Variants in KIAA1328 observed in about 807,000 individuals in gnomAD.
KIAA1328 encodes the protein KIAA1328, also known as protein hinderin.
Under a neutral mutation model 68.1 loss-of-function variants are expected in KIAA1328, and 52 were observed. The observed-to-expected ratio is 0.76, with a 90% CI of 0.61 to 0.96. The LOEUF (loss-of-function observed/expected upper bound fraction) is 0.96, where lower values mean the gene tolerates loss of function less well. KIAA1328 is among the 40% of genes least tolerant of loss of function. The pLI, the probability that KIAA1328 is intolerant of heterozygous loss-of-function variation, is 0.00. For synonymous variants in KIAA1328, 232 were observed against 239.4 expected (o/e 0.97, Z 0.28); for missense variants, 641 against 677.6 (o/e 0.95, Z 0.60).
At chr18:36,928,150 T>C (rs1029193821) in intron 5 of KIAA1328, among the ~76,000 whole-genome samples, 1 of 152,182 alleles carries the variant, frequency 6.6e-6, no homozygotes, top group African/African-American at 2.4e-5. Flanking sequence ...GCTTTCTGTT[T>C]TAAGAGCATA....
intron 6 of KIAA1328, among the ~76,000 whole-genome samples, chr18:36,970,838 A>T (rs1410745009): frequency 6.6e-6 from 1 of 152,226 alleles, no homozygotes; most frequent in African/African-American, 2.4e-5. Context: ...ATACTCATGG[A>T]TGGGAAGAAT....
intron 7 of KIAA1328, among the ~76,000 whole-genome samples, chr18:37,128,788 A>G (rs1307107646): frequency 6.6e-6 from 1 of 152,208 alleles, no homozygotes; most frequent in Non-Finnish European, 1.5e-5. Flanking sequence ...AGACTAATAG[A>G]CTGGTTCATC....
chr18:37,051,084 A>T (rs1193218613), intron 6 of KIAA1328, among the ~76,000 whole-genome samples: 1 of 152,202 alleles, frequency 6.6e-6, no homozygotes, highest in Non-Finnish European at 1.5e-5. Flanking sequence ...TTGACCCTAC[A>T]TTGAGTATTC....
At chr18:37,103,328 A>T (rs985873387) in intron 7 of KIAA1328, among the ~76,000 whole-genome samples, 1 of 152,212 alleles carries the variant, frequency 6.6e-6, no homozygotes, top group Non-Finnish European at 1.5e-5. Context: ...GTGGAATAGA[A>T]TGGAGAACCC....
At chr18:36,847,943 A>G (rs886197284) in intron 4 of KIAA1328, among the ~76,000 whole-genome samples, 2 of 151,710 alleles carry the variant, frequency 1.3e-5, no homozygotes, top group Non-Finnish European at 3.0e-5. Context: ...TCGCTGATGT[A>G]TATGTCTATC....
chr18:37,062,446 T>TTTTTG (rs2056185214), intron 6 of KIAA1328, among the ~76,000 whole-genome samples: 1 of 145,502 alleles, frequency 6.9e-6, no homozygotes. Context: ...TTTTGTTTTG[T>TTTTTG]TTTTTGTTTT....
chr18:37,095,386 T>A (rs1296312158), intron 7 of KIAA1328, among the ~76,000 whole-genome samples: 1 of 152,182 alleles, frequency 6.6e-6, no homozygotes, highest in African/African-American at 2.4e-5. Context: ...ATATTTTATC[T>A]CACCACAATG....
chr18:36,983,034 T>A (rs576753852), intron 6 of KIAA1328, among the ~76,000 whole-genome samples: 24 of 151,662 alleles, frequency 1.6e-4, no homozygotes, highest in African/African-American at 5.8e-4. Flanking sequence ...TTTAAAAAAA[T>A]TAAGAAAAGG....
chr18:36,936,544 T>C (rs1171590476), intron 5 of KIAA1328, among the ~76,000 whole-genome samples: 3 of 152,240 alleles, frequency 2.0e-5, no homozygotes, highest in African/African-American at 7.2e-5. Context: ...TTCCATGTCT[T>C]TGCTATTGTA....
chr18:37,192,865 A>G (rs2059932247), intron 9 of KIAA1328, among the ~76,000 whole-genome samples: 1 of 152,250 alleles, frequency 6.6e-6, no homozygotes, highest in Non-Finnish European at 1.5e-5. Flanking sequence ...AGGCATGGGG[A>G]TCAAAGGAGG....
At chr18:37,093,632 C>G (rs2057326220) in intron 7 of KIAA1328, among the ~76,000 whole-genome samples, 1 of 152,116 alleles carries the variant, frequency 6.6e-6, no homozygotes, top group African/African-American at 2.4e-5. Context: ...GTTAAGAAAG[C>G]CTATGTGATG....
At chr18:36,912,600 T>G (rs1397410278) in intron 5 of KIAA1328, among the ~76,000 whole-genome samples, 1 of 152,174 alleles carries the variant, frequency 6.6e-6, no homozygotes, top group East Asian at 1.9e-4. Flanking sequence ...TACCACAGTC[T>G]GCCTTCTGGC....
intron 6 of KIAA1328, among the ~76,000 whole-genome samples, chr18:37,027,207 C>T (rs906574823): frequency 7.2e-5 from 11 of 152,150 alleles, no homozygotes; most frequent in African/African-American, 2.2e-4. Flanking sequence ...CACTGGTCAA[C>T]GAAATAAAAG....
intron 7 of KIAA1328, among the ~76,000 whole-genome samples, chr18:37,069,015 G>A (rs578225529): frequency 4.0e-5 from 6 of 151,510 alleles, no homozygotes; most frequent in Non-Finnish European, 7.4e-5. Context: ...TTTCTGTTAC[G>A]GATTATATAA....
chr18:36,875,259 G>T (rs1233164277), intron 4 of KIAA1328, among the ~76,000 whole-genome samples: 1 of 152,154 alleles, frequency 6.6e-6, no homozygotes, highest in South Asian at 2.1e-4. Context: ...AGTTACTTTG[G>T]GCAGTATGGC....
chr18:37,008,166 A>AG (rs2053848154), intron 6 of KIAA1328, among the ~76,000 whole-genome samples: 1 of 152,262 alleles, frequency 6.6e-6, no homozygotes, highest in Non-Finnish European at 1.5e-5. Context: ...AAGAGGAACC[A>AG]GGAAAAGGGG....
At chr18:37,132,743 TCTTA>T (rs2058552024) in intron 7 of KIAA1328, among the ~76,000 whole-genome samples, 2 of 152,336 alleles carry the variant, frequency 1.3e-5, no homozygotes, top group South Asian at 4.1e-4. Flanking sequence ...CTGGAAGATT[TCTTA>T]CTTTACCTTT....
chr18:37,166,801 C>T (rs1162292234), intron 8 of KIAA1328, among the ~76,000 whole-genome samples: 1 of 152,114 alleles, frequency 6.6e-6, no homozygotes, highest in Non-Finnish European at 1.5e-5. Context: ...ACACCACTGG[C>T]ACCTGGGGTT....
intron 5 of KIAA1328, among the ~76,000 whole-genome samples, chr18:36,949,889 A>T (rs2051087549): frequency 6.6e-6 from 1 of 152,168 alleles, no homozygotes; most frequent in Admixed American, 6.5e-5. Flanking sequence ...TAACATGTTC[A>T]TACACCGAAT....
Sources: gnomAD v4.1 joint callset for allele counts (sites outside exome capture counted in the v4.1 genomes callset) on GRCh38, gnomAD v4.1.1 for gene constraint, MANE v1.5 for transcripts, NCBI Gene and HGNC (gene_info 2026-07-23, HGNC 2026-07-21) for gene names.